The following AFF3 variants were observed in gnomAD, a reference collection of about 807,000 sequenced individuals.
AFF3 encodes ALF transcription elongation factor 3, also known as AF4/FMR2 family member 3.
In AFF3, 32 loss-of-function variants were observed where a neutral mutation model predicts 129.7. That is an observed-to-expected ratio of 0.25 (90% CI 0.19 to 0.33). The LOEUF (loss-of-function observed/expected upper bound fraction) is 0.33, where lower values mean the gene tolerates loss of function less well. Ranked by LOEUF, AFF3 falls within the 10% of genes least tolerant of loss-of-function variation. The pLI, the probability that AFF3 is intolerant of heterozygous loss-of-function variation, is 1.00. For synonymous variants in AFF3, 644 were observed against 635.4 expected, an observed-to-expected ratio of 1.01 and a Z score of -0.20; for missense variants, 1,373 against 1,592.0, an observed-to-expected ratio of 0.86 and a Z score of 2.34.
chr2:99,688,865 G>A (rs1000838374), intron 11 of AFF3, among the ~76,000 whole-genome samples: 2 of 152,074 alleles, frequency 1.3e-5, no homozygotes, highest in Non-Finnish European at 1.5e-5. Flanking sequence ...GAAAATGCCC[G>A]GCATGCAATC....
intron 2 of AFF3, chr2:100,105,947 G>T: frequency 1.5e-6 from 2 of 1,327,640 alleles, no homozygotes; most frequent in Non-Finnish European, 2.0e-6. Context: ...GGCAAGAACC[G>T]CTGACTGGGG....
intron 8 of AFF3, among the ~76,000 whole-genome samples, chr2:99,761,865 T>C (rs1023820205): frequency 6.6e-6 from 1 of 152,184 alleles, no homozygotes; most frequent in African/African-American, 2.4e-5. Flanking sequence ...TTGTTCAAGA[T>C]GCTCTGTCAC....
chr2:99,962,564 T>C (rs371648193), intron 7 of AFF3, among the ~76,000 whole-genome samples: 1 of 152,014 alleles, frequency 6.6e-6, no homozygotes, highest in African/African-American at 2.4e-5. Context: ...AAAGAGAAGT[T>C]AGAAAAATGA....
intron 7 of AFF3, among the ~76,000 whole-genome samples, chr2:99,900,428 C>A (rs1352727757): frequency 1.3e-5 from 2 of 152,122 alleles, no homozygotes; most frequent in Non-Finnish European, 1.5e-5. Context: ...CGGGCCCACC[C>A]CCACTCCCCT....
intron 4 of AFF3, among the ~76,000 whole-genome samples, chr2:100,055,239 G>A (rs559039587): frequency 6.6e-6 from 1 of 151,964 alleles, no homozygotes; most frequent in Admixed American, 6.6e-5. Flanking sequence ...ACATCATCTT[G>A]TTACCTTAGG....
At chr2:99,688,862 C>T (rs1018498701) in intron 11 of AFF3, among the ~76,000 whole-genome samples, 8 of 152,162 alleles carry the variant, frequency 5.3e-5, no homozygotes, top group Admixed American at 2.0e-4. Context: ...TAGGAAAATG[C>T]CCGGCATGCA....
chr2:99,768,239 T>C (rs1189317944), intron 8 of AFF3, among the ~76,000 whole-genome samples: 3 of 151,816 alleles, frequency 2.0e-5, no homozygotes, highest in Admixed American at 1.3e-4. Flanking sequence ...AGTTAAACAT[T>C]GCAAAAAAAA....
At chr2:99,912,924 C>T (rs1023565901) in intron 7 of AFF3, among the ~76,000 whole-genome samples, 1 of 152,142 alleles carries the variant, frequency 6.6e-6, no homozygotes, top group African/African-American at 2.4e-5. Context: ...TACAGAGACA[C>T]ACACTAAGTA....
chr2:100,114,584 G>A (rs906716326), intron 2 of AFF3, among the ~76,000 whole-genome samples: 8 of 151,992 alleles, frequency 5.3e-5, no homozygotes, highest in African/African-American at 1.9e-4. Flanking sequence ...GTTTCACCAT[G>A]TTGGCCAGGC....
At chr2:99,721,944 G>A (rs908666305) in intron 11 of AFF3, among the ~76,000 whole-genome samples, 4 of 152,272 alleles carry the variant, frequency 2.6e-5, no homozygotes, top group Non-Finnish European at 4.4e-5. Flanking sequence ...ACAATTCACT[G>A]AGGCTCTGTT....
At chr2:99,869,066 G>C (rs185806261) in intron 7 of AFF3, among the ~76,000 whole-genome samples, 1 of 151,996 alleles carries the variant, frequency 6.6e-6, no homozygotes, top group Admixed American at 6.6e-5. Flanking sequence ...CAAAGTGCTA[G>C]GATTACAGGT....
rs34572652 is a variant in AFF3, at chr2:99,643,055, ATT to A, written c.1184+6569_1184+6570del. Among the ~76,000 whole-genome samples, 612 of 100,800 alleles carry A rather than the reference ATT, an allele frequency of 6.1e-3. 1 individual carries two copies. The highest frequency in any genetic ancestry group is 0.022 in the African/African-American group (567 of 25,410). The allele number at this position is 100,800 out of a possible 152,430, so 66.1% of individuals were successfully genotyped here. A position where few individuals can be genotyped will look rare whatever the true frequency, so the allele number is the denominator to read the frequency against. ...TTTATTCATATGGCATACTTAAAAGATTTTTTTTTTTTTTTTTTTTTTGAGAC... is the reference window on the plus strand; with the variant it reads ...TTTATTCATATGGCATACTTAAAAGATTTTTTTTTTTTTTTTTTTTGAGAC... On this transcript the variant is annotated intron_variant, in intron 13 of 24. Coordinates refer to ENST00000672756, the MANE Select transcript of AFF3 (RefSeq NM_001386135.1).
intron 1 of AFF3, among the ~76,000 whole-genome samples, chr2:100,137,542 C>T (rs1692685546): frequency 7.2e-6 from 1 of 139,080 alleles, no homozygotes; most frequent in Non-Finnish European, 1.6e-5. Flanking sequence ...TGCATACACA[C>T]ACACACACAC....
intron 8 of AFF3, among the ~76,000 whole-genome samples, chr2:99,776,450 T>C (rs1683909210): frequency 6.6e-6 from 1 of 152,224 alleles, no homozygotes; most frequent in Admixed American, 6.5e-5. Flanking sequence ...GGCTAAATAT[T>C]TAGCAACACT....
chr2:100,038,559 T>C (rs1490204099), intron 4 of AFF3, among the ~76,000 whole-genome samples: 1 of 152,082 alleles, frequency 6.6e-6, no homozygotes, highest in Non-Finnish European at 1.5e-5. Context: ...ATCATGTGGC[T>C]TGCAGTTGAG....
At chr2:99,583,057 T>A in intron 16 of AFF3, 58 bp from the exon 17 acceptor site, 1 of 1,541,856 alleles carries the variant, frequency 6.5e-7, no homozygotes, top group Non-Finnish European at 8.9e-7. Flanking sequence ...GAAAGGTAAA[T>A]GTTTTCATAT....
At chr2:99,784,752 T>C (rs983535760) in intron 8 of AFF3, among the ~76,000 whole-genome samples, 32 of 152,332 alleles carry the variant, frequency 2.1e-4, no homozygotes, top group Admixed American at 1.2e-3. Context: ...TATTTTAGGA[T>C]ATGAAGTATT....
intron 8 of AFF3, among the ~76,000 whole-genome samples, chr2:99,772,224 G>A (rs574689574): frequency 3.9e-5 from 6 of 152,168 alleles, no homozygotes; most frequent in Non-Finnish European, 7.4e-5. Context: ...AGGTGGCAGG[G>A]GCCTGAGAGG....
intron 11 of AFF3, among the ~76,000 whole-genome samples, chr2:99,706,390 C>T (rs565962378): frequency 1.3e-4 from 20 of 152,336 alleles, no homozygotes; most frequent in African/African-American, 4.8e-4. Context: ...AAAACAGCAC[C>T]TGCTTCTATC....
Sources: allele counts gnomAD v4.1 joint callset (sites outside exome capture counted in the v4.1 genomes callset), GRCh38; gene constraint gnomAD v4.1.1; transcripts MANE v1.5; gene names NCBI Gene and HGNC (gene_info 2026-07-23, HGNC 2026-07-21).